XPR1: variants seen among roughly 807,000 people sequenced by gnomAD.
The protein encoded by XPR1 is solute carrier family 53 member 1.
In XPR1, 28 loss-of-function variants were observed where a neutral mutation model predicts 87.5. The ratio of observed to expected loss-of-function variants is 0.32; its 90% CI spans 0.24 to 0.44. XPR1 has a LOEUF of 0.44. Ranked by LOEUF, XPR1 falls within the 20% of genes least tolerant of loss-of-function variation. The pLI, the probability that XPR1 is intolerant of heterozygous loss-of-function variation, is 1.00. For synonymous variants in XPR1, 300 were observed against 306.1 expected (o/e 0.98, Z 0.21); for missense variants, 559 against 862.3 (o/e 0.65, Z 4.41).
chr1:180,702,837 T>C (rs975996629), intron 2 of XPR1, among the ~76,000 whole-genome samples: 2 of 152,094 alleles, frequency 1.3e-5, no homozygotes, highest in African/African-American at 2.4e-5. Flanking sequence ...TTTGGAGATA[T>C]CATATTTTCT....
At chr1:180,760,808 G>C (rs1354788861) in intron 2 of XPR1, among the ~76,000 whole-genome samples, 1 of 152,126 alleles carries the variant, frequency 6.6e-6, no homozygotes, top group Non-Finnish European at 1.5e-5. Flanking sequence ...GCATCGCCAA[G>C]TCAATCCTAA....
chr1:180,806,402 T>C, intron 5 of XPR1, 72 bp from the exon 6 acceptor site: 4 of 1,533,324 alleles, frequency 2.6e-6, no homozygotes, highest in Non-Finnish European at 3.6e-6. Flanking sequence ...TATATATAAA[T>C]GGTACAGAAT....
chr1:180,746,243 G>A (rs367694478), intron 2 of XPR1, among the ~76,000 whole-genome samples: 1 of 151,984 alleles, frequency 6.6e-6, no homozygotes, highest in African/African-American at 2.4e-5. Flanking sequence ...ATTTTACCCA[G>A]TGTGTAGTAT....
chr1:180,664,543 C>G (rs958084576), intron 1 of XPR1, among the ~76,000 whole-genome samples: 2 of 152,160 alleles, frequency 1.3e-5, no homozygotes. Flanking sequence ...TTACTCTTCC[C>G]TACCCTCTCT....
chr1:180,803,262 A>C, intron 3 of XPR1, 126 bp from the exon 4 acceptor site: 1 of 875,612 alleles, frequency 1.1e-6, no homozygotes, highest in East Asian at 2.7e-5. Context: ...ATAGAGTTCT[A>C]AATATTACAT....
chr1:180,748,925 G>A (rs544249712), intron 2 of XPR1, among the ~76,000 whole-genome samples: 6 of 152,198 alleles, frequency 3.9e-5, no homozygotes, highest in Admixed American at 6.5e-5. Flanking sequence ...AAAACTGGAC[G>A]AGGTGGCTCA....
chr1:180,702,386 TGTG>T (rs1191803755), intron 2 of XPR1, among the ~76,000 whole-genome samples: 3 of 149,250 alleles, frequency 2.0e-5, no homozygotes, highest in African/African-American at 7.4e-5. Flanking sequence ...ATAGGTGTGG[TGTG>T]GTGCTGAAAA....
chr1:180,879,413 G>A (rs932650967), intron 13 of XPR1, among the ~76,000 whole-genome samples: 2 of 152,166 alleles, frequency 1.3e-5, no homozygotes, highest in East Asian at 3.9e-4. Context: ...GCCCTCTGTG[G>A]GTGGGCCCTC....
At chr1:180,763,244 A>C (rs1287690059) in intron 2 of XPR1, among the ~76,000 whole-genome samples, 1 of 152,226 alleles carries the variant, frequency 6.6e-6, no homozygotes, top group Admixed American at 6.5e-5. Context: ...GAAGGTTTGC[A>C]GAAGGAGTTT....
At chr1:180,855,779 T>G (rs1652008943) in intron 11 of XPR1, among the ~76,000 whole-genome samples, 1 of 152,160 alleles carries the variant, frequency 6.6e-6, no homozygotes, top group Admixed American at 6.5e-5. Flanking sequence ...TGTCTCCTAC[T>G]AGCTTAAGAA....
chr1:180,874,661 A>AC (rs1652604774), intron 13 of XPR1, among the ~76,000 whole-genome samples: 1 of 152,068 alleles, frequency 6.6e-6, no homozygotes, highest in African/African-American at 2.4e-5. Flanking sequence ...TTGCACTCCA[A>AC]CCTGGGCAAC....
At position 180,664,963 on chromosome 1, in the gene XPR1, A is replaced by G. The variant is rs562466429; in HGVS notation, c.70-17397A>G. 1.9e-4 allele frequency among the ~76,000 whole-genome samples: 29 copies of G among 152,342 alleles called. No individual in the cohort carries two copies. The East Asian group carries it at 5.6e-3, about 29-fold the overall frequency. ...AATCTAATGCTGCCGCTGATCTGAT[A>G]GGAGGTGGAGCTCAGGCAGTAATGC... is the stretch of plus-strand genomic sequence containing the variant. On this transcript the variant is annotated intron_variant, in intron 1 of 14. Coordinates refer to ENST00000367590, the MANE Select transcript of XPR1 (RefSeq NM_004736.4).
In XPR1 at chr1:180,800,947, C is replaced by T. The variant is rs766425859; in HGVS notation, c.224-2441C>T. The stretch of plus-strand genomic sequence containing the variant: ...GTGACTAATATCAAGTATTTGGCCA[C>T]CAGACCTGGAGTTTTTTTCTGTTAC... On this transcript the variant is annotated intron_variant, in intron 3 of 14. Coordinates refer to ENST00000367590, the MANE Select transcript of XPR1 (RefSeq NM_004736.4). 4.5e-4 allele frequency among the ~76,000 whole-genome samples: 68 copies of T among 152,128 alleles called. 3 individuals carry two copies. The highest frequency in any genetic ancestry group is 8.8e-5 in the Non-Finnish European group (6 of 68,024).
At position 180,875,323 on chromosome 1, in the gene XPR1, A is replaced by G. The variant is rs138896333; in HGVS notation, c.1808+1381A>G. ...TCAGGGGTTTGACACTGGCCTGGGC[A>G]ACATGGCAAAACACATCTCTACAAA... On this transcript the variant is annotated intron_variant, in intron 13 of 14. Transcript: ENST00000367590. Among the ~76,000 whole-genome samples the G allele has an allele frequency of 3.5e-4, 54 of 152,224 alleles. 1 individual carries two copies. In the East Asian group the frequency reaches 9.5e-3, roughly 27 times the overall value.
At chr1:180,833,440 A>AT (rs113283550) in intron 9 of XPR1, among the ~76,000 whole-genome samples, 6,506 of 152,142 alleles carry the variant, frequency 0.043, 500 homozygotes, top group African/African-American at 0.15. Flanking sequence ...CCCATCTCAC[A>AT]TGCAAAGACA....
At chr1:180,714,532 A>G (rs768102759) in intron 2 of XPR1, among the ~76,000 whole-genome samples, 7 of 151,916 alleles carry the variant, frequency 4.6e-5, no homozygotes, top group Non-Finnish European at 8.8e-5. Context: ...AGCCTCCTGA[A>G]TAATTGGGGC....
chr1:180,659,612 G>T (rs185568493), intron 1 of XPR1, among the ~76,000 whole-genome samples: 1 of 39,658 alleles, frequency 2.5e-5, no homozygotes, highest in African/African-American at 1.2e-4. Flanking sequence ...ACCCCCCGCC[G>T]GGTTCAAGCG....
intron 2 of XPR1, among the ~76,000 whole-genome samples, chr1:180,784,205 A>G (rs1230255051): frequency 1.3e-5 from 2 of 152,058 alleles, no homozygotes; most frequent in East Asian, 1.9e-4. Context: ...ATTTCCATCA[A>G]CAAGGAATGA....
intron 13 of XPR1, among the ~76,000 whole-genome samples, chr1:180,879,275 C>A (rs1425513644): frequency 6.6e-6 from 1 of 152,196 alleles, no homozygotes; most frequent in African/African-American, 2.4e-5. Context: ...GGTCTGTCTT[C>A]AGCTGTTCTT....
Sources: gnomAD v4.1 joint callset for allele counts (sites outside exome capture counted in the v4.1 genomes callset) on GRCh38, gnomAD v4.1.1 for gene constraint, MANE v1.5 for transcripts, NCBI Gene and HGNC (gene_info 2026-07-23, HGNC 2026-07-21) for gene names.